Variants in FOCAD observed in about 807,000 individuals in gnomAD.
FOCAD encodes KIAA1797.
In FOCAD, 198 loss-of-function variants were observed where a neutral mutation model predicts 225.6. The ratio of observed to expected loss-of-function variants is 0.88; its 90% CI spans 0.78 to 0.99. FOCAD has a LOEUF of 0.99. FOCAD is among the 50% of genes least tolerant of loss of function. The pLI is 0.00. For synonymous variants in FOCAD, 897 were observed against 755.0 expected (o/e 1.19, Z -3.08); for missense variants, 2,713 against 2,123.6 (o/e 1.28, Z -5.46).
At chr9:20,799,665 A>G (rs568315326) in intron 11 of FOCAD, among the ~76,000 whole-genome samples, 6 of 152,140 alleles carry the variant, frequency 3.9e-5, no homozygotes, top group South Asian at 4.2e-4. Flanking sequence ...GACTAGGATT[A>G]CAACCCCTGC....
At chr9:20,912,554 C>T (rs1478726062) in intron 22 of FOCAD, among the ~76,000 whole-genome samples, 1 of 152,090 alleles carries the variant, frequency 6.6e-6, no homozygotes, top group Non-Finnish European at 1.5e-5. Context: ...AAAGGCAGAT[C>T]ACTAGCAGGT....
At chr9:20,713,097 G>C (rs1825003883) in intron 1 of FOCAD, among the ~76,000 whole-genome samples, 1 of 152,074 alleles carries the variant, frequency 6.6e-6, no homozygotes, top group Non-Finnish European at 1.5e-5. Flanking sequence ...AATATATCCA[G>C]AATGTGACCA....
At chr9:20,699,794 A>G (rs1418312263) in intron 1 of FOCAD, among the ~76,000 whole-genome samples, 2 of 109,506 alleles carry the variant, frequency 1.8e-5, no homozygotes, top group Non-Finnish European at 3.7e-5. Flanking sequence ...ATATATATAT[A>G]TATATATATA....
chr9:20,950,845 T>C, intron 33 of FOCAD, 151 bp from the exon 34 acceptor site: 1 of 650,216 alleles, frequency 1.5e-6, no homozygotes, highest in Non-Finnish European at 2.8e-6. Context: ...TATAGCGTAC[T>C]AGACACATGA....
chr9:20,773,910 G>T (rs1818489101), intron 8 of FOCAD, among the ~76,000 whole-genome samples: 1 of 152,152 alleles, frequency 6.6e-6, no homozygotes, highest in African/African-American at 2.4e-5. Flanking sequence ...GACTGGTATT[G>T]GTTCCTTGCT....
chr9:20,760,641 T>A (rs1563956514), intron 6 of FOCAD, among the ~76,000 whole-genome samples: 1 of 152,236 alleles, frequency 6.6e-6, no homozygotes, highest in Non-Finnish European at 1.5e-5. Context: ...TAGGGTCTTT[T>A]CTTACTAGAA....
chr9:20,706,251 T>G (rs970757121), intron 1 of FOCAD, among the ~76,000 whole-genome samples: 4 of 152,054 alleles, frequency 2.6e-5, no homozygotes, highest in African/African-American at 9.7e-5. Context: ...GTAGTTTTAT[T>G]TTTTATTTTA....
intron 2 of FOCAD, among the ~76,000 whole-genome samples, chr9:20,663,134 C>A (rs1009727478): frequency 1.8e-4 from 27 of 152,058 alleles, no homozygotes; most frequent in African/African-American, 6.5e-4. Flanking sequence ...TGCCTGTAAT[C>A]CCAGCTCTTT....
At chr9:20,967,413 T>TA (rs1839361659) in intron 35 of FOCAD, among the ~76,000 whole-genome samples, 1 of 152,172 alleles carries the variant, frequency 6.6e-6, no homozygotes, top group Non-Finnish European at 1.5e-5. Context: ...TATTAGTTTT[T>TA]AAAAAGATTG....
In FOCAD at chr9:20,990,285, A is replaced by C. The variant is rs143148454; in HGVS notation, c.5167A>C (p.Arg1723=). 207 of 1,614,146 alleles carry C rather than the reference A, an allele frequency of 1.3e-4. 1 individual carries two copies. The African/African-American group carries it at 2.4e-3, about 19-fold the overall frequency. Reference sequence around the variant, plus strand: ...CTTCCTTGGCAGGAGTCCAATGCACAGGGTCACTCTGCAGGAGGTTCTCAC... The same window carrying C: ...CTTCCTTGGCAGGAGTCCAATGCACCGGGTCACTCTGCAGGAGGTTCTCAC... ...PSFLGRSPMH[R]VTLQEVLTLL... is the part of the protein sequence containing the mutation. Residue 1723 remains arginine (R), a synonymous_variant, in exon 42 of 44, where the codon AGG becomes CGG. Transcript: ENST00000338382.
At chr9:20,907,267 G>C in intron 22 of FOCAD, 25 bp downstream of exon 22, 1 of 1,588,434 alleles carries the variant, frequency 6.3e-7, no homozygotes, top group Non-Finnish European at 8.6e-7. Context: ...GGATAGGTTT[G>C]CTTTGGCGAA....
chr9:20,850,122 A>C lies in FOCAD; in HGVS notation c.1921-12456A>C, dbSNP rs965367220. 2.6e-5 allele frequency among the ~76,000 whole-genome samples: 4 copies of C among 151,830 alleles called. No individual in the cohort carries two copies. In the East Asian group the frequency reaches 7.7e-4, roughly 29 times the overall value. ...ATGATGCAACTCAAAATTTAAAAAA[A>C]CTCTTAGTCTTATGGTCATAAGAAA... On this transcript the variant is annotated intron_variant, in intron 15 of 43. Coordinates refer to ENST00000338382, the MANE Select transcript of FOCAD (RefSeq NM_001375567.1).
rs1328873110 is a variant in FOCAD at position 20,782,843 on chromosome 9, A to G, written c.1197+914A>G. 4.6e-5 allele frequency among the ~76,000 whole-genome samples: 7 copies of G among 152,252 alleles called. No homozygotes were observed. The East Asian group carries it at 1.3e-3, about 29-fold the overall frequency. Reference sequence around the variant, plus strand: ...AGTCATTATTAGTTCTTGTTTGAGCATGTAGCAGAAACTGGCCCATAATTA... The same window carrying G: ...AGTCATTATTAGTTCTTGTTTGAGCGTGTAGCAGAAACTGGCCCATAATTA... On this transcript the variant is annotated intron_variant, in intron 10 of 43. Coordinates refer to ENST00000338382, the MANE Select transcript of FOCAD (RefSeq NM_001375567.1).
At chr9:20,765,442 A>C (rs1829972702) in intron 7 of FOCAD, among the ~76,000 whole-genome samples, 1 of 152,020 alleles carries the variant, frequency 6.6e-6, no homozygotes, top group African/African-American at 2.4e-5. Flanking sequence ...CACATTGGAA[A>C]AAAAAAAAAG....
intron 15 of FOCAD, among the ~76,000 whole-genome samples, chr9:20,836,263 A>G (rs1465302873): frequency 6.6e-6 from 1 of 152,042 alleles, no homozygotes; most frequent in Non-Finnish European, 1.5e-5. Flanking sequence ...TAATATGGAA[A>G]TGTGATCCAT....
At chr9:20,978,769 T>C (rs528346325) in intron 37 of FOCAD, among the ~76,000 whole-genome samples, 1 of 152,374 alleles carries the variant, frequency 6.6e-6, no homozygotes, top group Non-Finnish European at 1.5e-5. Flanking sequence ...GTTTATTTGA[T>C]TATATAGTAT....
chr9:20,772,952 TTATA>T (rs1176686881), intron 8 of FOCAD, among the ~76,000 whole-genome samples: 1 of 143,000 alleles, frequency 7.0e-6, no homozygotes, highest in African/African-American at 2.6e-5. Flanking sequence ...TATAATCATG[TTATA>T]TATAATATAG....
At chr9:20,806,840 C>T (rs1009776557) in intron 11 of FOCAD, among the ~76,000 whole-genome samples, 2 of 152,118 alleles carry the variant, frequency 1.3e-5, no homozygotes, top group African/African-American at 4.8e-5. Context: ...GTTGCACTAA[C>T]CTGGGATTTC....
intron 15 of FOCAD, among the ~76,000 whole-genome samples, chr9:20,857,406 T>C (rs1443280294): frequency 6.6e-6 from 1 of 152,074 alleles, no homozygotes; most frequent in African/African-American, 2.4e-5. Context: ...TGTCCATTGT[T>C]GGCATATAGA....
Sources: gnomAD v4.1 joint callset for allele counts (sites outside exome capture counted in the v4.1 genomes callset) on GRCh38, gnomAD v4.1.1 for gene constraint, MANE v1.5 for transcripts, NCBI Gene and HGNC (gene_info 2026-07-23, HGNC 2026-07-21) for gene names.